Variants in HHAT observed in about 807,000 individuals in gnomAD.
HHAT encodes protein-cysteine N-palmitoyltransferase HHAT.
A neutral mutation model predicts 70.8 loss-of-function variants in HHAT; 47 were observed. The observed-to-expected ratio is 0.66, with a 90% CI of 0.53 to 0.85. The LOEUF (loss-of-function observed/expected upper bound fraction) is 0.85, where lower values mean the gene tolerates loss of function less well. HHAT is among the 40% of genes least tolerant of loss of function. The pLI, the probability that HHAT is intolerant of heterozygous loss-of-function variation, is 0.00. For synonymous variants in HHAT, 228 were observed against 247.6 expected (o/e 0.92, Z 0.74); for missense variants, 609 against 604.8 (o/e 1.01, Z -0.07).
chr1:210,391,700 C>T (rs997226048), intron 4 of HHAT, among the ~76,000 whole-genome samples: 1 of 152,156 alleles, frequency 6.6e-6, no homozygotes, highest in Non-Finnish European at 1.5e-5. Context: ...AGATAACATT[C>T]TATGCTTTCT....
Position 210,328,953 on chromosome 1 carries a change from A to G in HHAT, c.-195A>G. 1 of 1,225,758 alleles carries G rather than the reference A, an allele frequency of 8.2e-7. No individual in the cohort carries two copies. Among genetic ancestry groups the G allele is most frequent in the Non-Finnish European group, 1.0e-6 (1 of 957,808 alleles). The allele number at this position is 1,225,758 out of a possible 1,614,324, so 75.9% of individuals were successfully genotyped here. ...AGGACGCGCGCTGCGCTGCTCCTCC[A>G]AAGGGCAGCTCCGGGGGAAAGAGGG... On this transcript the variant is annotated 5_prime_UTR_variant, in exon 1 of 12. Transcript: ENST00000261458.
chr1:210,507,569 C>T (rs1003002647), intron 8 of HHAT, among the ~76,000 whole-genome samples: 6 of 151,822 alleles, frequency 4.0e-5, no homozygotes, highest in African/African-American at 7.3e-5. Flanking sequence ...TCATTTTGGC[C>T]GGGCTGGTCT....
intron 9 of HHAT, among the ~76,000 whole-genome samples, chr1:210,536,184 A>T (rs1156832219): frequency 6.6e-6 from 1 of 152,222 alleles, no homozygotes; most frequent in Non-Finnish European, 1.5e-5. Context: ...CGTAAAATAT[A>T]TAAATAGCCT....
chr1:210,458,446 A>T (rs1474241139), intron 7 of HHAT, among the ~76,000 whole-genome samples: 2 of 152,218 alleles, frequency 1.3e-5, no homozygotes, highest in Non-Finnish European at 2.9e-5. Flanking sequence ...GACTATACAG[A>T]AAGCTGAACC....
chr1:210,577,886 T>C (rs1348699090), intron 9 of HHAT, among the ~76,000 whole-genome samples: 1 of 152,058 alleles, frequency 6.6e-6, no homozygotes, highest in Admixed American at 6.6e-5. Context: ...CCTCATGTGA[T>C]CTGCCTGCCT....
At chr1:210,620,183 A>C (rs897219719) in intron 10 of HHAT, among the ~76,000 whole-genome samples, 2 of 152,250 alleles carry the variant, frequency 1.3e-5, no homozygotes, top group Non-Finnish European at 2.9e-5. Context: ...GTGGCCCTAG[A>C]GATTCCGAAA....
chr1:210,522,141 A>G (rs2095168225), intron 9 of HHAT, among the ~76,000 whole-genome samples: 2 of 152,248 alleles, frequency 1.3e-5, no homozygotes, highest in African/African-American at 2.4e-5. Flanking sequence ...TGACCTTATT[A>G]AAACACTGCT....
chr1:210,352,803 G>A (rs1423425349), intron 2 of HHAT, among the ~76,000 whole-genome samples: 1 of 152,144 alleles, frequency 6.6e-6, no homozygotes, highest in Non-Finnish European at 1.5e-5. Flanking sequence ...ATATTGGGGT[G>A]GTGATAGTGA....
At chr1:210,341,081 A>C (rs1181765869) in intron 1 of HHAT, among the ~76,000 whole-genome samples, 1 of 152,272 alleles carries the variant, frequency 6.6e-6, no homozygotes, top group Admixed American at 6.5e-5. Flanking sequence ...ATCTGTAAAT[A>C]GTACTTGTTA....
intron 11 of HHAT, among the ~76,000 whole-genome samples, chr1:210,657,826 C>T (rs975375979): frequency 6.6e-6 from 1 of 152,176 alleles, no homozygotes; most frequent in Admixed American, 6.5e-5. Context: ...CGCCAGATGC[C>T]TCTTCTCCCA....
chr1:210,389,898 C>T (rs1013420468), intron 4 of HHAT, among the ~76,000 whole-genome samples: 1 of 152,236 alleles, frequency 6.6e-6, no homozygotes, highest in South Asian at 2.1e-4. Flanking sequence ...AATTTCAGCA[C>T]CAGTTGTGGA....
At chr1:210,583,665 G>T (rs946588812) in intron 9 of HHAT, among the ~76,000 whole-genome samples, 7 of 152,168 alleles carry the variant, frequency 4.6e-5, no homozygotes, top group African/African-American at 1.7e-4. Flanking sequence ...CTTCTGGTTT[G>T]AGACAAACAG....
intron 8 of HHAT, among the ~76,000 whole-genome samples, chr1:210,512,737 G>A (rs1430788567): frequency 6.7e-6 from 1 of 150,032 alleles, no homozygotes; most frequent in South Asian, 2.1e-4. Context: ...TATTTTAAGT[G>A]AACATCTGAG....
At chr1:210,327,552 T>TTGGA (rs1184452161), upstream of HHAT, among the ~76,000 whole-genome samples, 6 of 152,176 alleles carry the variant, frequency 3.9e-5, no homozygotes, top group Non-Finnish European at 8.8e-5. Context: ...GTCACCCAGG[T>TTGGA]TGGAGTGCAG....
At chr1:210,489,946 G>A (rs1263503700) in intron 8 of HHAT, among the ~76,000 whole-genome samples, 1 of 152,128 alleles carries the variant, frequency 6.6e-6, no homozygotes, top group Non-Finnish European at 1.5e-5. Flanking sequence ...CTTGTCTGTA[G>A]GAGGCATAGT....
chr1:210,600,818 G>A (rs79904873), intron 10 of HHAT, among the ~76,000 whole-genome samples: 1 of 151,958 alleles, frequency 6.6e-6, no homozygotes, highest in Non-Finnish European at 1.5e-5. Flanking sequence ...GCTCCTTCAG[G>A]CTGCTTGTCG....
intron 9 of HHAT, among the ~76,000 whole-genome samples, chr1:210,543,650 T>G (rs1015347747): frequency 9.9e-5 from 15 of 152,178 alleles, no homozygotes; most frequent in Non-Finnish European, 1.2e-4. Flanking sequence ...TTTTTCCAAA[T>G]TTTTCTTTGA....
chr1:210,645,952 T>G (rs1337978801), intron 11 of HHAT, among the ~76,000 whole-genome samples: 5 of 152,172 alleles, frequency 3.3e-5, no homozygotes, highest in African/African-American at 1.2e-4. Flanking sequence ...CATCAGGAGT[T>G]TAGCCTCCCT....
chr1:210,528,451 T>A (rs1044616100), intron 9 of HHAT, among the ~76,000 whole-genome samples: 3 of 152,200 alleles, frequency 2.0e-5, no homozygotes, highest in Non-Finnish European at 4.4e-5. Context: ...AAAGTCAGTT[T>A]TAGGTGCTAA....
Sources: allele counts gnomAD v4.1 joint callset (sites outside exome capture counted in the v4.1 genomes callset), GRCh38; gene constraint gnomAD v4.1.1; transcripts MANE v1.5; gene names NCBI Gene and HGNC (gene_info 2026-07-23, HGNC 2026-07-21).